The following HPSE2 variants were observed in gnomAD, a reference collection of about 807,000 sequenced individuals.
HPSE2 encodes the protein inactive heparanase-2.
A neutral mutation model predicts 60.5 loss-of-function variants in HPSE2; 38 were observed. The ratio of observed to expected loss-of-function variants is 0.63; its 90% confidence interval spans 0.48 to 0.82. The LOEUF (loss-of-function observed/expected upper bound fraction) is 0.82. HPSE2 is among the 40% of genes least tolerant of loss of function. The pLI is 0.00. For missense variants in HPSE2, 713 were observed against 740.4 expected, an observed-to-expected ratio of 0.96 and a Z score of 0.43; for synonymous variants, 295 against 293.2, an observed-to-expected ratio of 1.01 and a Z score of -0.06.
At chr10:99,180,418 A>T (rs949034535) in intron 2 of HPSE2, among the ~76,000 whole-genome samples, 3 of 152,234 alleles carry the variant, frequency 2.0e-5, no homozygotes, top group Admixed American at 6.5e-5. Flanking sequence ...CAAGAAAAAA[A>T]CAACCCCATC....
chr10:99,095,785 T>C (rs1359457864), intron 3 of HPSE2, among the ~76,000 whole-genome samples: 6 of 152,222 alleles, frequency 3.9e-5, no homozygotes, highest in African/African-American at 1.4e-4. Context: ...TGTTTATCCA[T>C]TCATCAGTAA....
At chr10:98,626,666 T>G (rs1418380920) in intron 7 of HPSE2, among the ~76,000 whole-genome samples, 2 of 152,178 alleles carry the variant, frequency 1.3e-5, no homozygotes, top group Non-Finnish European at 2.9e-5. Context: ...TCCATCAATA[T>G]TATAATAAAA....
chr10:98,817,862 T>A (rs1951328178), intron 3 of HPSE2, among the ~76,000 whole-genome samples: 1 of 152,210 alleles, frequency 6.6e-6, no homozygotes, highest in Non-Finnish European at 1.5e-5. Flanking sequence ...CTCATAAACT[T>A]GCTGAAGAAT....
intron 9 of HPSE2, among the ~76,000 whole-genome samples, chr10:98,601,982 C>T (rs1268693458): frequency 1.3e-5 from 2 of 152,068 alleles, no homozygotes; most frequent in African/African-American, 4.8e-5. Flanking sequence ...GTGACGAGGA[C>T]GGGATGCCAA....
chr10:99,167,226 G>T (rs1305954651), intron 2 of HPSE2, among the ~76,000 whole-genome samples: 2 of 152,022 alleles, frequency 1.3e-5, no homozygotes, highest in South Asian at 2.1e-4. Context: ...GGCCAGGCTG[G>T]TCTCAAACTC....
chr10:98,850,431 T>C (rs1011669701), intron 3 of HPSE2, among the ~76,000 whole-genome samples: 2 of 152,082 alleles, frequency 1.3e-5, no homozygotes, highest in South Asian at 2.1e-4. Flanking sequence ...CCAGGTATTA[T>C]AGTGAGTTAA....
At chr10:98,788,623 C>G (rs1296661601) in intron 3 of HPSE2, among the ~76,000 whole-genome samples, 2 of 152,202 alleles carry the variant, frequency 1.3e-5, no homozygotes, top group Non-Finnish European at 2.9e-5. Context: ...ACCCTCTGAG[C>G]CAGGTGTGGG....
intron 3 of HPSE2, among the ~76,000 whole-genome samples, chr10:98,795,469 G>A (rs1426768849): frequency 6.6e-6 from 1 of 152,192 alleles, no homozygotes; most frequent in Non-Finnish European, 1.5e-5. Context: ...TGCATGGAGG[G>A]AGCATTTGGA....
intron 3 of HPSE2, among the ~76,000 whole-genome samples, chr10:99,031,220 G>A (rs1485211403): frequency 6.6e-6 from 1 of 152,016 alleles, no homozygotes; most frequent in African/African-American, 2.4e-5. Context: ...ATTTCACCTT[G>A]CATGCCATAC....
At chr10:98,851,156 A>G (rs1952164613) in intron 3 of HPSE2, among the ~76,000 whole-genome samples, 1 of 152,218 alleles carries the variant, frequency 6.6e-6, no homozygotes, top group Non-Finnish European at 1.5e-5. Flanking sequence ...TTAAAAGGAA[A>G]AAGTACCTCA....
intron 3 of HPSE2, among the ~76,000 whole-genome samples, chr10:98,897,362 A>G (rs1029548459): frequency 1.3e-5 from 2 of 152,176 alleles, no homozygotes; most frequent in Admixed American, 6.6e-5. Context: ...GTTTATATGG[A>G]AAAGCAAAAG....
chr10:99,232,613 C>A, intron 1 of HPSE2, 108 bp from the exon 2 acceptor site: 1 of 1,277,754 alleles, frequency 7.8e-7, no homozygotes, highest in Non-Finnish European at 1.1e-6. Flanking sequence ...CTGGCCGGGG[C>A]TAGAGGCTCT....
At chr10:98,530,860 G>A (rs556396513) in intron 9 of HPSE2, among the ~76,000 whole-genome samples, 20 of 152,252 alleles carry the variant, frequency 1.3e-4, no homozygotes, top group African/African-American at 3.4e-4. Flanking sequence ...CAGGAGGAGC[G>A]AGTAGAGGGA....
intron 11 of HPSE2, among the ~76,000 whole-genome samples, chr10:98,479,255 G>C (rs114287962): frequency 0.02 from 3,079 of 152,218 alleles, 108 homozygotes; most frequent in African/African-American, 0.069. Context: ...TCCTCTTCCT[G>C]GTTCCTCCAG....
chr10:98,980,158 C>T (rs922030630), intron 3 of HPSE2, among the ~76,000 whole-genome samples: 1 of 152,104 alleles, frequency 6.6e-6, no homozygotes, highest in Non-Finnish European at 1.5e-5. Flanking sequence ...AACCTAAGTG[C>T]CCTTGGACAA....
intron 3 of HPSE2, among the ~76,000 whole-genome samples, chr10:98,796,848 G>A (rs1374281561): frequency 1.3e-5 from 2 of 152,150 alleles, no homozygotes; most frequent in East Asian, 3.9e-4. Flanking sequence ...ACATTTGTTT[G>A]GGAGAAAGTA....
intron 3 of HPSE2, among the ~76,000 whole-genome samples, chr10:98,767,980 A>C (rs1950162091): frequency 6.6e-6 from 1 of 150,466 alleles, no homozygotes; most frequent in Admixed American, 6.6e-5. Context: ...ATACATTAAA[A>C]ATAACTATCT....
chr10:98,490,051 T>G lies in HPSE2; in HGVS notation c.1466A>C (p.Asn489Thr). The G allele has an allele frequency of 6.2e-7, 1 of 1,612,830 alleles. No individual in the cohort carries two copies. The highest frequency in any genetic ancestry group is 8.5e-7 in the Non-Finnish European group (1 of 1,178,714). Residue 489 changes from asparagine (N) to threonine (T), a missense_variant and splice_region_variant, in exon 10 of 12, where the codon AAC becomes ACC. By Grantham distance (65) the Asn-to-Thr change is moderately conservative. Transcript: ENST00000370552. ...TTCTGCCATCTTTCTGAGGACTTACTTGTGGTGGTTTGTGCAGTGAGCATA... is the reference window on the plus strand; with the variant it reads ...TTCTGCCATCTTTCTGAGGACTTACGTGTGGTGGTTTGTGCAGTGAGCATA... The part of the protein sequence containing the change: ...RIYAHCTNHH[N>T]HNYVRGSITL...
At chr10:99,242,490 T>C in the HPSE2 span, among the ~76,000 whole-genome samples, 1 of 152,144 alleles carries the variant, frequency 6.6e-6, no homozygotes, top group Non-Finnish European at 1.5e-5. Flanking sequence ...CCCCTTAGCA[T>C]GTTTGGAGGT....
Sources: allele counts gnomAD v4.1 joint callset (sites outside exome capture counted in the v4.1 genomes callset), GRCh38; gene constraint gnomAD v4.1.1; transcripts MANE v1.5; gene names NCBI Gene and HGNC (gene_info 2026-07-23, HGNC 2026-07-21).